The following CPAP variants were observed in gnomAD, a reference collection of about 807,000 sequenced individuals.
CPAP encodes centrosome assembly and centriole elongation protein.
chr13:24,933,281 G>A, the CPAP span: 1 of 658,758 alleles, frequency 1.5e-6, no homozygotes, highest in South Asian at 2.0e-5. Context: ...TGACTTGGCC[G>A]GTTGGGAGGC....
chr13:24,929,909 T>G, the CPAP span, among the ~76,000 whole-genome samples: 18 of 149,096 alleles, frequency 1.2e-4, no homozygotes, highest in Admixed American at 1.1e-3. Flanking sequence ...GAATTTTTTT[T>G]TTTTTTTTTT....
At chr13:24,911,551 G>C in the CPAP span, among the ~76,000 whole-genome samples, 10 of 151,818 alleles carry the variant, frequency 6.6e-5, no homozygotes, top group Admixed American at 2.0e-4. Context: ...ACCTTTTTTG[G>C]GGGGACAGGG....
At chr13:24,907,192 G>T in the CPAP span, 2 of 1,603,234 alleles carry the variant, frequency 1.2e-6, no homozygotes, top group Non-Finnish European at 1.7e-6. Flanking sequence ...GCTTTAATGG[G>T]CCTAATTAGA....
At chr13:24,886,868 T>A in the CPAP span, among the ~76,000 whole-genome samples, 2 of 152,206 alleles carry the variant, frequency 1.3e-5, no homozygotes, top group Non-Finnish European at 2.9e-5. Context: ...ATATATCAAG[T>A]TTAATTCTTC....
the CPAP span, among the ~76,000 whole-genome samples, chr13:24,915,542 G>T: frequency 2.0e-5 from 3 of 152,156 alleles, no homozygotes; most frequent in Non-Finnish European, 4.4e-5. Context: ...AGTGGCTCAC[G>T]CCTGTAATCC....
At chr13:24,886,359 T>C in the CPAP span, 1 of 1,289,220 alleles carries the variant, frequency 7.8e-7, no homozygotes, top group Non-Finnish European at 1.0e-6. Flanking sequence ...AACAAGCTGC[T>C]GGGCGTGTGA....
chr13:24,909,659 T>C, the CPAP span: 1 of 860,276 alleles, frequency 1.2e-6, no homozygotes, highest in Admixed American at 2.3e-5. Flanking sequence ...GGAGATTGAG[T>C]CCAGCCTGAG....
chr13:24,914,056 G>GCA, the CPAP span, among the ~76,000 whole-genome samples: 4 of 151,690 alleles, frequency 2.6e-5, no homozygotes, highest in Non-Finnish European at 5.9e-5. Flanking sequence ...ACACACACAC[G>GCA]CACACACACA....
chr13:24,884,339 A>G, the CPAP span: 1 of 1,614,084 alleles, frequency 6.2e-7, no homozygotes, highest in Non-Finnish European at 8.5e-7. Flanking sequence ...TTGGTCTGGC[A>G]TGACCTGCTT....
the CPAP span, among the ~76,000 whole-genome samples, chr13:24,918,550 T>C: frequency 0.026 from 3,925 of 152,318 alleles, 65 homozygotes; most frequent in East Asian, 0.057. Flanking sequence ...TTGTATGTTA[T>C]GTGTATTATA....
the CPAP span, among the ~76,000 whole-genome samples, chr13:24,913,702 C>T: frequency 1.3e-5 from 2 of 152,188 alleles, no homozygotes; most frequent in Admixed American, 6.5e-5. Context: ...ATTACTAATC[C>T]GTGAAGTTCC....
At chr13:24,892,899 C>CATTA in the CPAP span, 5 of 1,362,810 alleles carry the variant, frequency 3.7e-6, no homozygotes, top group Non-Finnish European at 4.2e-6. Context: ...AAGAAAAAAC[C>CATTA]ATTACTACAT....
At chr13:24,931,544 C>A in the CPAP span, among the ~76,000 whole-genome samples, 1 of 152,040 alleles carries the variant, frequency 6.6e-6, no homozygotes, top group African/African-American at 2.4e-5. Flanking sequence ...CCACTGTATT[C>A]TCTACTCTAT....
At chr13:24,884,252 A>T in the CPAP span, 2 of 1,613,992 alleles carry the variant, frequency 1.2e-6, no homozygotes, top group South Asian at 2.2e-5. Flanking sequence ...AGATCTGTAA[A>T]GACACACAGT....
the CPAP span, chr13:24,882,874 G>T: frequency 1.8e-3 from 655 of 360,576 alleles, 2 homozygotes; most frequent in Non-Finnish European, 2.6e-3. Context: ...GTACTTCTTG[G>T]TTTTTTTTTA....
the CPAP span, among the ~76,000 whole-genome samples, chr13:24,926,604 A>G: frequency 6.6e-6 from 1 of 152,156 alleles, no homozygotes; most frequent in Non-Finnish European, 1.5e-5. Context: ...CTCCTCCCTC[A>G]GCCCCACTGT....
chr13:24,897,361 T>C, the CPAP span, among the ~76,000 whole-genome samples: 1 of 152,244 alleles, frequency 6.6e-6, no homozygotes, highest in East Asian at 1.9e-4. Context: ...CCTAGAGATA[T>C]ACTCCAGGAC....
At chr13:24,906,274 T>C in the CPAP span, 1 of 1,601,736 alleles carries the variant, frequency 6.2e-7, no homozygotes, top group Non-Finnish European at 8.5e-7. Context: ...TAGAAAATGA[T>C]ATTTCATCAG....
chr13:24,893,028 G>A, the CPAP span, among the ~76,000 whole-genome samples: 2 of 152,166 alleles, frequency 1.3e-5, no homozygotes, highest in Admixed American at 6.5e-5. Context: ...TTTCAGCGGC[G>A]GGAGGAGGGG....
Sources: allele counts gnomAD v4.1 joint callset (sites outside exome capture counted in the v4.1 genomes callset), GRCh38; gene constraint gnomAD v4.1.1; transcripts MANE v1.5; gene names NCBI Gene and HGNC (gene_info 2026-07-23, HGNC 2026-07-21).